PPP6C: variants seen among roughly 807,000 people sequenced by gnomAD.
The protein encoded by PPP6C is serine/threonine-protein phosphatase 6 catalytic subunit.
Under a neutral mutation model 39.8 loss-of-function variants are expected in PPP6C, and 11 were observed. The observed-to-expected ratio is 0.28, with a 90% confidence interval of 0.17 to 0.46. The LOEUF (loss-of-function observed/expected upper bound fraction) is 0.46, where lower values mean the gene tolerates loss of function less well. Among genes scored for constraint, PPP6C ranks in the 20% least tolerant of loss-of-function variants. PPP6C has a pLI of 1.00. For synonymous variants in PPP6C, 129 were observed against 130.3 expected, an observed-to-expected ratio of 0.99 and a Z score of 0.07; for missense variants, 211 against 373.9, an observed-to-expected ratio of 0.56 and a Z score of 3.59.
chr9:125,150,513 A>G (rs1346361488), intron 6 of PPP6C: 4 of 430,762 alleles, frequency 9.3e-6, no homozygotes, highest in Middle Eastern at 9.0e-4. Flanking sequence ...TTGAAAGTTC[A>G]AAGTACTGCC....
chr9:125,179,478 G>C (rs1206390770), intron 1 of PPP6C, among the ~76,000 whole-genome samples: 1 of 151,942 alleles, frequency 6.6e-6, no homozygotes, highest in Non-Finnish European at 1.5e-5. Context: ...ACAGAGTTTT[G>C]TTCTAACTCC....
intron 1 of PPP6C, among the ~76,000 whole-genome samples, chr9:125,181,735 C>T (rs1007222561): frequency 3.9e-5 from 6 of 152,158 alleles, no homozygotes; most frequent in African/African-American, 1.4e-4. Flanking sequence ...CAAGTCTTTG[C>T]TATTGTGAAT....
At chr9:125,173,950 T>C (rs1004438882) in intron 1 of PPP6C, among the ~76,000 whole-genome samples, 1 of 152,184 alleles carries the variant, frequency 6.6e-6, no homozygotes, top group South Asian at 2.1e-4. Context: ...CTCTAAATGT[T>C]TGCACTTCAA....
chr9:125,162,104 C>A (rs79454249), intron 2 of PPP6C, among the ~76,000 whole-genome samples: 19 of 146,060 alleles, frequency 1.3e-4, no homozygotes, highest in South Asian at 2.2e-4. Flanking sequence ...AAAAAAAAAA[C>A]AACTTTAGGA....
intron 2 of PPP6C, among the ~76,000 whole-genome samples, chr9:125,168,329 A>G (rs1829069796): frequency 1.3e-5 from 2 of 152,172 alleles, no homozygotes; most frequent in South Asian, 4.1e-4. Flanking sequence ...ATTCATACTC[A>G]TAACCCAATC....
chr9:125,176,006 A>C (rs1011453158), intron 1 of PPP6C, among the ~76,000 whole-genome samples: 2 of 152,166 alleles, frequency 1.3e-5, no homozygotes, highest in African/African-American at 4.8e-5. Flanking sequence ...TAGAAGAGGG[A>C]TGGGGTGCTG....
chr9:125,180,360 C>T (rs763167125), intron 1 of PPP6C, among the ~76,000 whole-genome samples: 5 of 152,106 alleles, frequency 3.3e-5, no homozygotes, highest in Admixed American at 6.5e-5. Context: ...CCAAAGTTTG[C>T]AACCTATTTG....
intron 1 of PPP6C, among the ~76,000 whole-genome samples, chr9:125,174,032 C>G (rs1004734749): frequency 1.3e-5 from 2 of 152,164 alleles, no homozygotes; most frequent in African/African-American, 4.8e-5. Context: ...CACCAACGTT[C>G]TGGAAAAGGA....
chr9:125,159,654 C>A (rs1314142381), intron 3 of PPP6C, among the ~76,000 whole-genome samples: 1 of 152,122 alleles, frequency 6.6e-6, no homozygotes, highest in Non-Finnish European at 1.5e-5. Context: ...TGATAATATA[C>A]TATTTACACT....
chr9:125,155,839 A>G (rs2131302774), intron 4 of PPP6C, among the ~76,000 whole-genome samples: 1 of 149,740 alleles, frequency 6.7e-6, no homozygotes, highest in East Asian at 2.0e-4. Flanking sequence ...CAGTAGGCAG[A>G]GCTTGCAGTG....
chr9:125,182,384 G>A (rs1389188362), intron 1 of PPP6C, among the ~76,000 whole-genome samples: 1 of 152,112 alleles, frequency 6.6e-6, no homozygotes, highest in Non-Finnish European at 1.5e-5. Flanking sequence ...GCTCACACCT[G>A]TAAAATGAGC....
At chr9:125,189,568 G>A in intron 1 of PPP6C, 76 bp downstream of exon 1, 2 of 1,601,290 alleles carry the variant, frequency 1.2e-6, no homozygotes, top group Non-Finnish European at 1.7e-6. Flanking sequence ...ATACCCGGCG[G>A]GGGTCCTGGA....
chr9:125,157,689 T>A (rs1836114034), intron 4 of PPP6C, among the ~76,000 whole-genome samples: 1 of 60,874 alleles, frequency 1.6e-5, no homozygotes, highest in Non-Finnish European at 2.7e-5. Flanking sequence ...TTCTCCTTTT[T>A]TTTTTGGTTT....
chr9:125,177,384 A>G (rs1008957260), intron 1 of PPP6C, among the ~76,000 whole-genome samples: 2 of 145,650 alleles, frequency 1.4e-5, no homozygotes, highest in Non-Finnish European at 1.5e-5. Flanking sequence ...AAACAAACAA[A>G]CAAAAAAAAT....
chr9:125,151,094 T>C (rs1214703938), intron 6 of PPP6C: 8 of 1,334,616 alleles, frequency 6.0e-6, no homozygotes, highest in Non-Finnish European at 7.6e-6. Context: ...GAGCCAGGTG[T>C]CCTGAAGTGG....
At chr9:125,159,894 C>T (rs766653166) in intron 3 of PPP6C, among the ~76,000 whole-genome samples, 4 of 152,042 alleles carry the variant, frequency 2.6e-5, no homozygotes, top group Non-Finnish European at 5.9e-5. Flanking sequence ...TGGTGGCGCA[C>T]GCCTGTAATA....
intron 1 of PPP6C, among the ~76,000 whole-genome samples, chr9:125,180,563 GGCACACGCCACCAT>G (rs1829399574): frequency 6.6e-6 from 1 of 151,962 alleles, no homozygotes; most frequent in Non-Finnish European, 1.5e-5. Context: ...CTGGGATTAC[GGCACACGCCACCAT>G]GCCTGGTTAA....
chr9:125,155,069 G>C (rs918035936), intron 4 of PPP6C, among the ~76,000 whole-genome samples: 7 of 152,050 alleles, frequency 4.6e-5, no homozygotes, highest in African/African-American at 1.7e-4. Context: ...CACCACACCT[G>C]GCTAATTTTA....
chr9:125,171,701 G>A (rs1254809857), intron 1 of PPP6C, among the ~76,000 whole-genome samples: 1 of 151,092 alleles, frequency 6.6e-6, no homozygotes, highest in African/African-American at 2.4e-5. Context: ...TTACAGGCAT[G>A]TGCCACCACA....
Sources: allele counts gnomAD v4.1 joint callset (sites outside exome capture counted in the v4.1 genomes callset), GRCh38; gene constraint gnomAD v4.1.1; transcripts MANE v1.5; gene names NCBI Gene and HGNC (gene_info 2026-07-23, HGNC 2026-07-21).